Variants in CCDC149 observed in about 807,000 individuals in gnomAD.
The protein encoded by CCDC149 is coiled-coil domain-containing protein 149.
Under a neutral mutation model 59.9 loss-of-function variants are expected in CCDC149, and 45 were observed. The ratio of observed to expected loss-of-function variants is 0.75; its 90% CI spans 0.59 to 0.96. The LOEUF (loss-of-function observed/expected upper bound fraction) is 0.96. CCDC149 is among the 40% of genes least tolerant of loss of function. The pLI is 0.00. For synonymous variants in CCDC149, 245 were observed against 260.6 expected, an observed-to-expected ratio of 0.94 and a Z score of 0.58; for missense variants, 584 against 664.7, an observed-to-expected ratio of 0.88 and a Z score of 1.33.
chr4:24,853,850 ATC>A lies in CCDC149; in HGVS notation c.265-673_265-672del, dbSNP rs541502770. 1.0e-3 allele frequency among the ~76,000 whole-genome samples: 159 copies of A among 152,302 alleles called. 1 individual carries two copies. The highest frequency in any genetic ancestry group is 3.7e-3 in the African/African-American group (154 of 41,560). On this transcript the variant is annotated intron_variant, in intron 3 of 12. Transcript: ENST00000635206. ...ACGAGCAACAATCTCTGAAATCAGG[ATC>A]CAGAAGAAATGCAACAGTTTCCTGG... is the stretch of plus-strand genomic sequence containing the variant.
At chr4:24,906,376 TTTTA>T (rs750288068) in intron 1 of CCDC149, among the ~76,000 whole-genome samples, 21 of 112,368 alleles carry the variant, frequency 1.9e-4, no homozygotes, top group South Asian at 6.6e-4. Context: ...TTTTATTTTA[TTTTA>T]TTTTATTTTA....
intron 10 of CCDC149, among the ~76,000 whole-genome samples, chr4:24,821,468 G>A (rs1474476160): frequency 6.6e-6 from 1 of 152,182 alleles, no homozygotes. Flanking sequence ...GCAGTTATTA[G>A]TTCTGTCAGG....
intron 4 of CCDC149, among the ~76,000 whole-genome samples, chr4:24,841,052 C>T (rs754050771): frequency 1.8e-4 from 27 of 152,128 alleles, no homozygotes; most frequent in Non-Finnish European, 3.8e-4. Context: ...TATCACATCA[C>T]ACAACTCTTG....
At chr4:24,905,408 TGC>T (rs1233814880) in intron 1 of CCDC149, among the ~76,000 whole-genome samples, 1,789 of 70,492 alleles carry the variant, frequency 0.025, 26 homozygotes, top group African/African-American at 0.046. Context: ...TCTTTTTGCG[TGC>T]GTGCGTGTGT....
At chr4:24,972,003 A>C (rs1723983938) in intron 1 of CCDC149, among the ~76,000 whole-genome samples, 1 of 152,194 alleles carries the variant, frequency 6.6e-6, no homozygotes, top group African/African-American at 2.4e-5. Context: ...CAGTTGTCCC[A>C]CCTTTCCAGA....
intron 1 of CCDC149, among the ~76,000 whole-genome samples, chr4:24,918,642 C>G (rs1722202991): frequency 6.6e-6 from 1 of 152,228 alleles, no homozygotes; most frequent in African/African-American, 2.4e-5. Context: ...TCCTCCATTC[C>G]TGTTAGAGAC....
intron 1 of CCDC149, among the ~76,000 whole-genome samples, chr4:24,887,240 G>A (rs35129231): frequency 0.23 from 31,868 of 141,620 alleles, 3,754 homozygotes; most frequent in South Asian, 0.31. Flanking sequence ...TAGCCAGATA[G>A]CTGCTGCTGA....
At chr4:24,917,013 T>C (rs1422813676), upstream of CCDC149, among the ~76,000 whole-genome samples, 1 of 152,250 alleles carries the variant, frequency 6.6e-6, no homozygotes, top group African/African-American at 2.4e-5. Flanking sequence ...TGAGGTCCCC[T>C]GAACCACTGG....
intron 3 of CCDC149, among the ~76,000 whole-genome samples, chr4:24,857,396 AC>A (rs551278741): frequency 4.3e-4 from 65 of 152,300 alleles, no homozygotes; most frequent in Non-Finnish European, 7.8e-4. Flanking sequence ...CAGACATAAA[AC>A]CATGCTGTCA....
intron 11 of CCDC149, 140 bp downstream of exon 11, chr4:24,820,915 A>T (rs1715350647): frequency 2.2e-6 from 1 of 447,050 alleles, no homozygotes; most frequent in African/African-American, 2.0e-5. Flanking sequence ...TACTAATTGA[A>T]TTCTCTATTT....
intron 3 of CCDC149, among the ~76,000 whole-genome samples, chr4:24,857,376 T>C (rs1718077270): frequency 6.6e-6 from 1 of 152,230 alleles, no homozygotes; most frequent in African/African-American, 2.4e-5. Flanking sequence ...GTGTGTATCA[T>C]TAGATTCAAC....
chr4:24,931,829 G>GTGTATATATATA (rs1373905167), intron 1 of CCDC149, among the ~76,000 whole-genome samples: 1 of 76,908 alleles, frequency 1.3e-5, no homozygotes, highest in East Asian at 4.3e-4. Flanking sequence ...TGGAGAGTAT[G>GTGTATATATATA]TATATATATA....
At chr4:24,879,613 AG>A in intron 1 of CCDC149, among the ~76,000 whole-genome samples, 1 of 150,690 alleles carries the variant, frequency 6.6e-6, no homozygotes, top group Admixed American at 6.6e-5. Flanking sequence ...TGAACTCGGG[AG>A]GCGGAGGTTG....
chr4:24,901,974 A>G (rs577899753), intron 1 of CCDC149, among the ~76,000 whole-genome samples: 3 of 152,322 alleles, frequency 2.0e-5, no homozygotes, highest in African/African-American at 4.8e-5. Flanking sequence ...AAGCATTCAT[A>G]TATTCTACAC....
upstream of CCDC149, among the ~76,000 whole-genome samples, chr4:24,914,914 T>G (rs1246344307): frequency 6.6e-6 from 1 of 152,178 alleles, no homozygotes; most frequent in Non-Finnish European, 1.5e-5. Flanking sequence ...AGTATACTAG[T>G]CAGCACATTG....
intron 1 of CCDC149, among the ~76,000 whole-genome samples, chr4:24,898,222 T>C (rs1373362705): frequency 6.6e-6 from 1 of 151,668 alleles, no homozygotes; most frequent in Non-Finnish European, 1.5e-5. Flanking sequence ...CTGGAGAGGG[T>C]TGGGGGATTT....
chr4:24,831,347 A>C, intron 9 of CCDC149, 159 bp downstream of exon 9: 1 of 696,122 alleles, frequency 1.4e-6, no homozygotes, highest in South Asian at 1.9e-5. Flanking sequence ...TGCTGATATA[A>C]AGCAGAAGCA....
At chr4:24,896,096 C>T (rs972600197) in intron 1 of CCDC149, among the ~76,000 whole-genome samples, 1 of 152,202 alleles carries the variant, frequency 6.6e-6, no homozygotes, top group African/African-American at 2.4e-5. Context: ...AAACATCCAA[C>T]AGGAAGTTAA....
intron 1 of CCDC149, among the ~76,000 whole-genome samples, chr4:24,964,348 G>A (rs574255874): frequency 1.2e-4 from 18 of 152,134 alleles, no homozygotes; most frequent in South Asian, 2.1e-4. Context: ...TCCAAACAAC[G>A]GACAAAAAAT....
Sources: gnomAD v4.1 joint callset for allele counts (sites outside exome capture counted in the v4.1 genomes callset) on GRCh38, gnomAD v4.1.1 for gene constraint, MANE v1.5 for transcripts, NCBI Gene and HGNC (gene_info 2026-07-23, HGNC 2026-07-21) for gene names.